STAM2: variants seen among roughly 807,000 people sequenced by gnomAD.
STAM2 encodes signal transducing adapter molecule 2.
Under a neutral mutation model 65.6 loss-of-function variants are expected in STAM2, and 51 were observed. The ratio of observed to expected loss-of-function variants is 0.78; its 90% confidence interval spans 0.62 to 0.98. The LOEUF (loss-of-function observed/expected upper bound fraction) is 0.98, where lower values mean the gene tolerates loss of function less well. STAM2 is among the 50% of genes least tolerant of loss of function. The pLI is 0.00. For synonymous variants in STAM2, 198 were observed against 208.4 expected (o/e 0.95, Z 0.43); for missense variants, 584 against 617.8 (o/e 0.95, Z 0.58).
At chr2:152,172,607 G>A (rs899305348) in intron 1 of STAM2, among the ~76,000 whole-genome samples, 5 of 152,088 alleles carry the variant, frequency 3.3e-5, no homozygotes, top group African/African-American at 1.2e-4. Context: ...AGTGGCTCAC[G>A]CCTGTAATCT....
chr2:152,126,331 C>A lies in STAM2; in HGVS notation c.1074G>T (p.Leu358=). The change falls in exon 12 of 14, where the codon CTG becomes CTT. Residue 358 remains leucine, a synonymous_variant. Coordinates refer to ENST00000263904, the MANE Select transcript of STAM2 (RefSeq NM_005843.6). ...CATTCACCAATTTGTTATATAGTTCCAGAGCTTCCAGGACTTTAACATTCA... is the reference window on the plus strand; with the variant it reads ...CATTCACCAATTTGTTATATAGTTCAAGAGCTTCCAGGACTTTAACATTCA... The part of the protein sequence containing the change: ...SELNVKVLEA[L]ELYNKLVNEA... 6.3e-7 allele frequency: 1 copy of A among 1,598,070 alleles called. No homozygotes were observed. The highest frequency in any genetic ancestry group is 2.3e-5 in the East Asian group (1 of 44,032).
intron 1 of STAM2, among the ~76,000 whole-genome samples, chr2:152,152,787 T>G (rs1461796588): frequency 6.6e-6 from 1 of 152,196 alleles, no homozygotes; most frequent in East Asian, 1.9e-4. Flanking sequence ...ATGTTTCACC[T>G]GAAGTTTCAC....
intron 11 of STAM2, chr2:152,131,814 C>T (rs1176324605): frequency 6.4e-6 from 2 of 313,416 alleles, no homozygotes; most frequent in Admixed American, 4.8e-5. Context: ...AGAGTAGGCA[C>T]ACTGGCTATC....
chr2:152,153,549 T>C (rs1367496311), intron 1 of STAM2, among the ~76,000 whole-genome samples: 1 of 152,190 alleles, frequency 6.6e-6, no homozygotes, highest in African/African-American at 2.4e-5. Context: ...GGAAAGCAAT[T>C]GTTTTGACAT....
chr2:152,136,834 T>G (rs944109442), intron 7 of STAM2, among the ~76,000 whole-genome samples: 1 of 152,110 alleles, frequency 6.6e-6, no homozygotes, highest in Admixed American at 6.6e-5. Context: ...ATGCAACAAT[T>G]TCTCTGCGCT....
intron 1 of STAM2, among the ~76,000 whole-genome samples, chr2:152,160,502 C>T (rs1176909102): frequency 9.2e-5 from 14 of 151,974 alleles, no homozygotes; most frequent in Admixed American, 7.2e-4. Flanking sequence ...GCAGCCGCCC[C>T]GTCTGAGAAG....
intron 1 of STAM2, among the ~76,000 whole-genome samples, chr2:152,150,947 C>T (rs1228086830): frequency 6.6e-6 from 1 of 152,066 alleles, no homozygotes; most frequent in African/African-American, 2.4e-5. Flanking sequence ...CTCATGGAAT[C>T]CTCCTTGGCT....
intron 1 of STAM2, among the ~76,000 whole-genome samples, chr2:152,162,038 G>C (rs1489237785): frequency 6.6e-6 from 1 of 151,954 alleles, no homozygotes; most frequent in Non-Finnish European, 1.5e-5. Context: ...GCCAGGCTGG[G>C]GGTAGAACTC....
At chr2:152,156,653 A>C (rs187312256) in intron 1 of STAM2, among the ~76,000 whole-genome samples, 1 of 152,320 alleles carries the variant, frequency 6.6e-6, no homozygotes, top group East Asian at 1.9e-4. Context: ...TATGATAAAG[A>C]ATAATTCCAT....
At chr2:152,150,525 G>A (rs966021301) in intron 1 of STAM2, among the ~76,000 whole-genome samples, 4 of 152,204 alleles carry the variant, frequency 2.6e-5, no homozygotes, top group Non-Finnish European at 5.9e-5. Flanking sequence ...AATCCAGGCC[G>A]GGCATGGTGG....
At position 152,117,101 on chromosome 2, in the gene STAM2, T is replaced by C. The variant is rs1180168124; in HGVS notation, c.*3473A>G. Reference sequence around the variant, plus strand: ...TCACTATATCACACAAGCAACATAATGCCTCTTTTGACACAGTAAGATTTT... The same window carrying C: ...TCACTATATCACACAAGCAACATAACGCCTCTTTTGACACAGTAAGATTTT... On this transcript the variant is annotated 3_prime_UTR_variant, in exon 14 of 14. Coordinates refer to ENST00000263904, the MANE Select transcript of STAM2 (RefSeq NM_005843.6). The C allele has an allele frequency of 2.6e-5, 4 of 152,188 alleles. No homozygotes were observed. Among genetic ancestry groups the C allele is most frequent in the African/African-American group, 9.7e-5 (4 of 41,434 alleles). 9.4% of individuals were successfully genotyped at this position (152,188 alleles called of 1,614,324 possible).
intron 1 of STAM2, among the ~76,000 whole-genome samples, chr2:152,168,441 A>G (rs1689835736): frequency 6.6e-6 from 1 of 152,116 alleles, no homozygotes; most frequent in Non-Finnish European, 1.5e-5. Flanking sequence ...TATAGGCATG[A>G]GCCACCGCGC....
intron 11 of STAM2, 151 bp from the exon 12 acceptor site, chr2:152,126,530 G>A: frequency 2.2e-6 from 1 of 463,626 alleles, no homozygotes; most frequent in Admixed American, 4.2e-5. Context: ...GGGAAACTAA[G>A]AGGAAGAACT....
intron 1 of STAM2, among the ~76,000 whole-genome samples, chr2:152,160,526 C>G (rs938567210): frequency 6.6e-6 from 1 of 151,298 alleles, no homozygotes; most frequent in Non-Finnish European, 1.5e-5. Flanking sequence ...GGAGCCCCTC[C>G]GCCCGGCAGC....
At chr2:152,166,928 G>T (rs950917916) in intron 1 of STAM2, among the ~76,000 whole-genome samples, 17 of 152,184 alleles carry the variant, frequency 1.1e-4, no homozygotes, top group African/African-American at 4.1e-4. Flanking sequence ...ATAAGCAAGT[G>T]CTTACTAAGG....
At chr2:152,161,509 A>C (rs1268821131) in intron 1 of STAM2, among the ~76,000 whole-genome samples, 31 of 151,576 alleles carry the variant, frequency 2.0e-4, no homozygotes, top group East Asian at 5.8e-4. Flanking sequence ...AAAAAAAAAA[A>C]AAAAAAACAT....
At position 152,163,788 on chromosome 2, in the gene STAM2, A is replaced by C. The variant is rs189563220; in HGVS notation, c.40+11815T>G. Among the ~76,000 whole-genome samples the C allele has an allele frequency of 8.8e-3, 1,335 of 152,310 alleles. 8 individuals carry two copies. The highest frequency in any genetic ancestry group is 0.015 in the Non-Finnish European group (994 of 68,026). On this transcript the variant is annotated intron_variant, in intron 1 of 13. Transcript: ENST00000263904. ...CGGCCGCTCTGGGAGTGTGTGTCTT[A>C]TGCGGTTGAGATAAGGACTGAAATA... is the stretch of plus-strand genomic sequence containing the variant.
chr2:152,168,721 A>G (rs1358543206), intron 1 of STAM2, among the ~76,000 whole-genome samples: 1 of 152,224 alleles, frequency 6.6e-6, no homozygotes, highest in African/African-American at 2.4e-5. Context: ...CATCCTAAAA[A>G]CCTACAAGAA....
chr2:152,144,671 T>G (rs1286791884), intron 6 of STAM2: 8 of 402,696 alleles, frequency 2.0e-5, no homozygotes, highest in Non-Finnish European at 3.6e-5. Context: ...CCCGAGTAGT[T>G]GGGACTACAG....
Sources: allele counts gnomAD v4.1 joint callset (sites outside exome capture counted in the v4.1 genomes callset), GRCh38; gene constraint gnomAD v4.1.1; transcripts MANE v1.5; gene names NCBI Gene and HGNC (gene_info 2026-07-23, HGNC 2026-07-21).